The following MMP7 variants were observed in gnomAD, a reference collection of about 807,000 sequenced individuals.
The protein encoded by MMP7 is matrix metallopeptidase 7.
Under a neutral mutation model 31.5 loss-of-function variants are expected in MMP7, and 26 were observed. The observed-to-expected ratio is 0.83, with a 90% CI of 0.61 to 1.15. The LOEUF (loss-of-function observed/expected upper bound fraction) is 1.15. Among genes scored for constraint, MMP7 ranks in the 50% most tolerant of loss-of-function variants. MMP7 has a pLI of 0.00. For missense variants in MMP7, 367 were observed against 326.5 expected, an observed-to-expected ratio of 1.12 and a Z score of -0.96; for synonymous variants, 142 against 124.2, an observed-to-expected ratio of 1.14 and a Z score of -0.95.
chr11:102,525,058 C>T lies in MMP7; in HGVS notation c.491G>A (p.Gly164Glu). ...IMIGFARGAH[G>E]DSYPFDGPGN... Reference sequence around the variant, plus strand: ...TGGCCCATCAAATGGGTAGGAGTCCCCATGAGCTGAAAGAAAATGGAGTGA... The same window carrying T: ...TGGCCCATCAAATGGGTAGGAGTCCTCATGAGCTGAAAGAAAATGGAGTGA... The change falls in exon 4 of 6, where the codon GGG (glycine) becomes GAG (glutamate). Residue 164 changes from glycine to glutamate, a missense_variant. Gly to Glu is a moderately conservative substitution (Grantham distance 98, BLOSUM62 -2). Transcript: ENST00000260227. 1.3e-6 allele frequency: 2 copies of T among 1,595,642 alleles called. No individual in the cohort carries two copies. Among genetic ancestry groups the T allele is most frequent in the Non-Finnish European group, 1.7e-6 (2 of 1,174,678 alleles).
In MMP7 at chr11:102,520,613, A is replaced by G; in HGVS notation, c.*163T>C. Reference sequence around the variant, plus strand: ...ATAAGACACAGTCACACCATAAAGGAGTTTATCCTTAAAAGGAGTGAAAGA... The same window carrying G: ...ATAAGACACAGTCACACCATAAAGGGGTTTATCCTTAAAAGGAGTGAAAGA... On this transcript the variant is annotated 3_prime_UTR_variant, in exon 6 of 6. Coordinates refer to ENST00000260227, the MANE Select transcript of MMP7 (RefSeq NM_002423.5). 1.8e-6 allele frequency: 1 copy of G among 566,512 alleles called. No individual in the cohort carries two copies. The highest frequency in any genetic ancestry group is 3.1e-6 in the Non-Finnish European group (1 of 319,658). 35.1% of individuals were successfully genotyped at this position (566,512 alleles called of 1,614,324 possible).
rs148198672 is a variant in MMP7, at chr11:102,530,646, G to A, written c.55C>T (p.Pro19Ser). 93 of 1,613,874 alleles carry A rather than the reference G, an allele frequency of 5.8e-5. No homozygotes were observed. Among genetic ancestry groups the A allele is most frequent in the Middle Eastern group, 3.3e-4 (2 of 6,084 alleles). ...VCLLPGSLALPLPQEAGGMSE... is the reference protein window; with the variant it reads ...VCLLPGSLALSLPQEAGGMSE... ...ATGCCTCCCGCCTCCTGAGGCAGCG[G>A]CAGGGCCAGGCTGCCAGGCAGCAGG... The change falls in exon 1 of 6, where the codon CCG becomes TCG. Residue 19 changes from proline (P) to serine (S), a missense_variant. Physicochemically the swap from Pro to Ser is moderately conservative, Grantham distance 74. Coordinates refer to ENST00000260227, the MANE Select transcript of MMP7 (RefSeq NM_002423.5).
At chr11:102,521,496 C>G (rs1591591249) in intron 5 of MMP7, among the ~76,000 whole-genome samples, 2 of 152,124 alleles carry the variant, frequency 1.3e-5, no homozygotes, top group African/African-American at 2.4e-5. Context: ...GCCCAGCCAG[C>G]TATTATTTTT....
intron 5 of MMP7, 33 bp from the exon 6 acceptor site, chr11:102,520,837 T>C: frequency 7.1e-7 from 1 of 1,410,876 alleles, no homozygotes; most frequent in Non-Finnish European, 9.8e-7. Context: ...CATTCTGATA[T>C]GTAGAAAATG....
intron 1 of MMP7, 140 bp downstream of exon 1, chr11:102,530,453 T>C (rs1306841626): frequency 7.2e-6 from 5 of 691,820 alleles, no homozygotes; most frequent in African/African-American, 7.1e-5. Context: ...TGAAAACATA[T>C]ATTGCTTTTA....
rs571865710 is a variant in MMP7 at position 102,520,908 on chromosome 11, A to C, written c.776-104T>G. On this transcript the variant is annotated intron_variant, in intron 5 of 5. Coordinates refer to ENST00000260227, the MANE Select transcript of MMP7 (RefSeq NM_002423.5). ...AATGTCACAGAAAGTATAATCTATT[A>C]TTCACTCAGACCATTTCTTGTCCCT... The C allele has an allele frequency of 1.5e-4, 107 of 733,962 alleles. No individual in the cohort carries two copies. In the South Asian group the frequency reaches 2.0e-3, roughly 13 times the overall value. The allele number at this position is 733,962 out of a possible 1,614,324, so 45.5% of individuals were successfully genotyped here.
At chr11:102,529,391 T>A (rs1858707560) in intron 1 of MMP7, among the ~76,000 whole-genome samples, 1 of 152,208 alleles carries the variant, frequency 6.6e-6, no homozygotes, top group South Asian at 2.1e-4. Flanking sequence ...TTTGTTGAGA[T>A]GACTTTTCCT....
At position 102,525,061 on chromosome 11, in the gene MMP7, T is replaced by G. The variant is rs1858654742; in HGVS notation, c.488A>C (p.His163Pro). Residue 163 changes from histidine to proline, a missense_variant, in exon 4 of 6, where the codon CAT becomes CCT. His to Pro is a moderately conservative substitution (Grantham distance 77). Transcript: ENST00000260227. ...DIMIGFARGA[H>P]GDSYPFDGPG... is the part of the protein sequence containing the mutation. ...CCCATCAAATGGGTAGGAGTCCCCA[T>G]GAGCTGAAAGAAAATGGAGTGATTG... 2 of 1,595,286 alleles carry G rather than the reference T, an allele frequency of 1.3e-6. No individual in the cohort carries two copies. The highest frequency in any genetic ancestry group is 8.5e-7 in the Non-Finnish European group (1 of 1,174,620).
Position 102,523,391 on chromosome 11 carries a change from G to T in MMP7, c.624C>A (p.Phe208Leu). Residue 208 changes from phenylalanine to leucine, a missense_variant, in exon 5 of 6, where the codon TTC becomes TTA. Transcript: ENST00000260227. ...CAAGTTCATGAGTTGCAGCATACAGGAAGTTAATCCCTACAACCGAAGAAG... is the reference window on the plus strand; with the variant it reads ...CAAGTTCATGAGTTGCAGCATACAGTAAGTTAATCCCTACAACCGAAGAAG... ...WTDGSSLGIN[F>L]LYAATHELGH... 6.2e-7 allele frequency: 1 copy of T among 1,601,820 alleles called. No homozygotes were observed. Among genetic ancestry groups the T allele is most frequent in the Non-Finnish European group, 8.5e-7 (1 of 1,173,800 alleles).
chr11:102,523,663 G>T lies in MMP7; in HGVS notation c.614-262C>A, dbSNP rs527803157. ...TTTATTTGCTTCTTTCATTCAGGCA[G>T]CAATACTCTGCAGTGGAAAGCAAAG... On this transcript the variant is annotated intron_variant, in intron 4 of 5. Coordinates refer to ENST00000260227, the MANE Select transcript of MMP7 (RefSeq NM_002423.5). 4.1e-4 allele frequency among the ~76,000 whole-genome samples: 63 copies of T among 152,146 alleles called. No homozygotes were observed. In the South Asian group the frequency reaches 0.012, roughly 30 times the overall value.
chr11:102,529,341 C>T (rs1858706834), intron 1 of MMP7, among the ~76,000 whole-genome samples: 1 of 152,184 alleles, frequency 6.6e-6, no homozygotes, highest in African/African-American at 2.4e-5. Flanking sequence ...TCTAGAGCTA[C>T]AGACTTTACC....
At chr11:102,526,718 CAT>C (rs1252131792) in intron 3 of MMP7, among the ~76,000 whole-genome samples, 2 of 152,166 alleles carry the variant, frequency 1.3e-5, no homozygotes, top group East Asian at 3.8e-4. Flanking sequence ...AACATATAGT[CAT>C]GTGCTACATA....
intron 3 of MMP7, 118 bp from the exon 4 acceptor site, chr11:102,525,182 T>C (rs771143852): frequency 5.3e-5 from 69 of 1,299,732 alleles, no homozygotes; most frequent in Non-Finnish European, 6.9e-5. Context: ...AGGCCAGGCA[T>C]GGTGGCTCAC....
Position 102,520,760 on chromosome 11 carries a change from G to A in MMP7, c.*16C>T, listed in dbSNP as rs937847010. The A allele has an allele frequency of 1.3e-6, 2 of 1,557,002 alleles. No individual in the cohort carries two copies. Among genetic ancestry groups the A allele is most frequent in the Non-Finnish European group, 8.8e-7 (1 of 1,140,378 alleles). Reference sequence around the variant, plus strand: ...CAATCCAATGAATGAATGAATGGATGTTCTGCCTGAAGTTTCTATTTCTTT... The same window carrying A: ...CAATCCAATGAATGAATGAATGGATATTCTGCCTGAAGTTTCTATTTCTTT... On this transcript the variant is annotated 3_prime_UTR_variant, in exon 6 of 6. Coordinates refer to ENST00000260227, the MANE Select transcript of MMP7 (RefSeq NM_002423.5).
At position 102,527,897 on chromosome 11, in the gene MMP7, G is replaced by T. The variant is rs764896028; in HGVS notation, c.195C>A (p.Phe65Leu). 1.3e-5 allele frequency: 21 copies of T among 1,614,140 alleles called. No homozygotes were observed. The highest frequency in any genetic ancestry group is 4.0e-5 in the African/African-American group (3 of 75,048). ...ACATTCCAGTTATAGGTAGGCCAAA[G>T]AATTTTTGCATCTCCTTGAGTTTGG... is the stretch of plus-strand genomic sequence containing the variant. ...LEAKLKEMQK[F>L]FGLPITGMLN... The change falls in exon 2 of 6, where the codon TTC (phenylalanine) becomes TTA (leucine). Residue 65 changes from phenylalanine to leucine, a missense_variant. Physicochemically the swap from Phe to Leu is conservative, Grantham distance 22 (BLOSUM62 0). Coordinates refer to ENST00000260227, the MANE Select transcript of MMP7 (RefSeq NM_002423.5).
intron 1 of MMP7, among the ~76,000 whole-genome samples, chr11:102,528,539 C>T (rs979185043): frequency 6.6e-6 from 1 of 152,176 alleles, no homozygotes; most frequent in South Asian, 2.1e-4. Flanking sequence ...GATTTATGTG[C>T]CCAGGTTCAC....
In MMP7 at chr11:102,523,293, G is replaced by A. The variant is rs17886506; in HGVS notation, c.722C>T (p.Pro241Leu). Reference protein sequence around the residue: ...VMYPTYGNGDPQNFKLSQDDI... With the variant: ...VMYPTYGNGDLQNFKLSQDDI... ...ATCCTGGGAAAGTTTAAAATTTTGG[G>A]GATCTCCATTTCCATAGGTTGGATA... Residue 241 changes from proline to leucine, a missense_variant, in exon 5 of 6, where the codon CCC (proline) becomes CTC (leucine). Coordinates refer to ENST00000260227, the MANE Select transcript of MMP7 (RefSeq NM_002423.5). 3,698 of 1,611,450 alleles carry A rather than the reference G, an allele frequency of 2.3e-3. 85 individuals carry two copies. In the African/African-American group the frequency reaches 0.044, roughly 19 times the overall value.
rs1246938072 is a variant in MMP7, at chr11:102,523,386, T to C, written c.629A>G (p.Tyr210Cys). ...DGSSLGINFL[Y>C]AATHELGHSL... ...ATGGCCAAGTTCATGAGTTGCAGCATACAGGAAGTTAATCCCTACAACCGA... is the reference window on the plus strand; with the variant it reads ...ATGGCCAAGTTCATGAGTTGCAGCACACAGGAAGTTAATCCCTACAACCGA... The change falls in exon 5 of 6, where the codon TAT becomes TGT. Residue 210 changes from tyrosine (Y) to cysteine (C), a missense_variant. Transcript: ENST00000260227. The C allele has an allele frequency of 3.1e-6, 5 of 1,604,800 alleles. No homozygotes were observed. Among genetic ancestry groups the C allele is most frequent in the Middle Eastern group, 1.7e-4 (1 of 6,024 alleles).
intron 1 of MMP7, among the ~76,000 whole-genome samples, chr11:102,528,994 C>T (rs1369726712): frequency 6.6e-6 from 1 of 152,136 alleles, no homozygotes; most frequent in African/African-American, 2.4e-5. Flanking sequence ...ACAAGATCAC[C>T]TTGTGAGTAA....
Sources: allele counts gnomAD v4.1 joint callset (sites outside exome capture counted in the v4.1 genomes callset), GRCh38; gene constraint gnomAD v4.1.1; transcripts MANE v1.5; gene names NCBI Gene and HGNC (gene_info 2026-07-23, HGNC 2026-07-21).